Variants in CNTNAP3B observed in about 807,000 individuals in gnomAD.
CNTNAP3B encodes contactin-associated protein-like 3B.
CNTNAP3B carries 25 observed loss-of-function variants against 108.9 expected under a neutral mutation model. The ratio of observed to expected loss-of-function variants is 0.23; its 90% CI spans 0.17 to 0.32. The LOEUF (loss-of-function observed/expected upper bound fraction) is 0.32. Among genes scored for constraint, CNTNAP3B ranks in the 10% least tolerant of loss-of-function variants. The pLI is 1.00. For synonymous variants in CNTNAP3B, 103 were observed against 473.4 expected, an observed-to-expected ratio of 0.22 and a Z score of 10.16; for missense variants, 252 against 1,210.4, an observed-to-expected ratio of 0.21 and a Z score of 11.75.
At chr9:41,977,997 TA>T (rs1825554521) in intron 9 of CNTNAP3B, among the ~76,000 whole-genome samples, 1 of 126,886 alleles carries the variant, frequency 7.9e-6, no homozygotes, top group African/African-American at 3.2e-5. Flanking sequence ...AAAAAAACAG[TA>T]AAATGCAAAA....
intron 14 of CNTNAP3B, among the ~76,000 whole-genome samples, chr9:41,934,108 T>TAC (rs1824069353): frequency 7.8e-6 from 1 of 127,556 alleles, no homozygotes; most frequent in South Asian, 2.4e-4. Context: ...TACATATATA[T>TAC]ATATATATAT....
chr9:42,124,803 A>T (rs2118755426), intron 1 of CNTNAP3B, among the ~76,000 whole-genome samples: 1 of 132,420 alleles, frequency 7.6e-6, no homozygotes, highest in South Asian at 2.5e-4. Context: ...CATCTTTGTC[A>T]TTCAGAAATC....
intron 13 of CNTNAP3B, among the ~76,000 whole-genome samples, chr9:41,943,036 G>A (rs1231607790): frequency 6.6e-6 from 1 of 152,264 alleles, no homozygotes; most frequent in Non-Finnish European, 1.5e-5. Flanking sequence ...GACAGATTTG[G>A]AAATATCAGA....
intron 18 of CNTNAP3B, among the ~76,000 whole-genome samples, chr9:41,919,727 A>C (rs1473830452): frequency 1.3e-5 from 2 of 152,260 alleles, no homozygotes; most frequent in Non-Finnish European, 2.9e-5. Context: ...GTCTCTAAAA[A>C]TTAAAAACAA....
At chr9:41,943,729 A>T (rs560913011) in intron 13 of CNTNAP3B, among the ~76,000 whole-genome samples, 87 of 151,524 alleles carry the variant, frequency 5.7e-4, no homozygotes, top group African/African-American at 2.1e-3. Flanking sequence ...AGAGAGTGAG[A>T]ACCAGAAGAA....
intron 10 of CNTNAP3B, among the ~76,000 whole-genome samples, chr9:41,967,655 G>A (rs1399482247): frequency 6.6e-6 from 1 of 152,280 alleles, no homozygotes; most frequent in Non-Finnish European, 1.5e-5. Context: ...TTATGTAAAG[G>A]GAACAGCAAA....
At position 42,097,617 on chromosome 9, in the gene CNTNAP3B, G is replaced by T. The variant is rs1238519945; in HGVS notation, c.196+7012C>A. ...CAAAAACTAAAAATGCATTCACTGA[G>T]ATGCCTTATATCCTAATTAAATATT... On this transcript the variant is annotated intron_variant, in intron 2 of 23. Transcript: ENST00000377561. Among the ~76,000 whole-genome samples the T allele has an allele frequency of 1.4e-5, 2 of 139,216 alleles. 1 individual carries two copies. Among genetic ancestry groups the T allele is most frequent in the Non-Finnish European group, 3.1e-5 (2 of 64,986 alleles). 91.3% of individuals were successfully genotyped at this position (139,216 alleles called of 152,430 possible).
chr9:41,939,515 CG>C (rs1232123413), intron 13 of CNTNAP3B, among the ~76,000 whole-genome samples: 3 of 152,218 alleles, frequency 2.0e-5, no homozygotes, highest in Non-Finnish European at 4.4e-5. Context: ...AAAAAAACAA[CG>C]AAAAAAAGGC....
intron 13 of CNTNAP3B, among the ~76,000 whole-genome samples, chr9:41,947,243 C>T (rs1824554505): frequency 6.6e-6 from 1 of 151,742 alleles, no homozygotes; most frequent in Admixed American, 6.6e-5. Context: ...GAAAAATTTA[C>T]AAGACAGACC....
chr9:41,935,739 T>A (rs1396368836), intron 14 of CNTNAP3B, among the ~76,000 whole-genome samples: 1 of 152,264 alleles, frequency 6.6e-6, no homozygotes, highest in Non-Finnish European at 1.5e-5. Context: ...AAAATAAGGT[T>A]AAAAAGCAAA....
intron 14 of CNTNAP3B, among the ~76,000 whole-genome samples, chr9:41,934,781 T>C (rs1361399244): frequency 6.8e-6 from 1 of 147,710 alleles, no homozygotes; most frequent in African/African-American, 2.6e-5. Flanking sequence ...AAAAATCCAA[T>C]ATGATAAAAT....
intron 13 of CNTNAP3B, among the ~76,000 whole-genome samples, chr9:41,944,553 T>C (rs1824465822): frequency 6.6e-6 from 1 of 152,380 alleles, no homozygotes; most frequent in South Asian, 2.1e-4. Flanking sequence ...ATTAATATTC[T>C]AGGAGAAGTG....
chr9:41,977,786 A>ATTTTTTTTTTTTT (rs71288160), intron 9 of CNTNAP3B, among the ~76,000 whole-genome samples: 1 of 90,532 alleles, frequency 1.1e-5, no homozygotes, highest in African/African-American at 5.0e-5. Context: ...TGCCCAGCTA[A>ATTTTTTTTTTTTT]TTTTTTTTTT....
At chr9:42,095,934 G>A (rs1158834375) in intron 2 of CNTNAP3B, among the ~76,000 whole-genome samples, 3 of 138,842 alleles carry the variant, frequency 2.2e-5, no homozygotes, top group Non-Finnish European at 3.1e-5. Flanking sequence ...TGCCGACGGA[G>A]CCAAGTCCTC....
At chr9:41,983,201 A>T (rs182455096) in intron 9 of CNTNAP3B, 8,407 of 134,784 alleles carry the variant, frequency 0.062, 1,436 homozygotes, top group South Asian at 0.13. Context: ...AAATAAGTTT[A>T]AAAAAAAAAG....
At chr9:41,956,553 A>T (rs551867777) in intron 12 of CNTNAP3B, among the ~76,000 whole-genome samples, 332 of 151,820 alleles carry the variant, frequency 2.2e-3, no homozygotes, top group Non-Finnish European at 4.0e-3. Flanking sequence ...CATCTGGTAT[A>T]CCCATTCCTA....
intron 3 of CNTNAP3B, among the ~76,000 whole-genome samples, chr9:42,030,830 G>GAGAGAGAC (rs1826512025): frequency 8.0e-6 from 1 of 125,068 alleles, no homozygotes; most frequent in Non-Finnish European, 1.7e-5. Context: ...GAGAGAGAGA[G>GAGAGAGAC]AGAGAGAGAG....
rs1587271370 is a variant in CNTNAP3B at position 42,099,134 on chromosome 9, A to T, written c.196+5495T>A. Among the ~76,000 whole-genome samples the T allele has an allele frequency of 1.6e-5, 2 of 128,422 alleles. 1 individual carries two copies. Among genetic ancestry groups the T allele is most frequent in the African/African-American group, 6.2e-5 (2 of 32,086 alleles). The allele number at this position is 128,422 out of a possible 152,430, so 84.2% of individuals were successfully genotyped here. A position where few individuals can be genotyped will look rare whatever the true frequency, so the allele number is the denominator to read the frequency against. The stretch of plus-strand genomic sequence containing the variant: ...AACACAATGCTCATTCACTCAGAAA[A>T]TTGAGAAAAAAGTTCTAAGTGATAA... On this transcript the variant is annotated intron_variant, in intron 2 of 23. Coordinates refer to ENST00000377561, the MANE Select transcript of CNTNAP3B (RefSeq NM_001201380.3).
At chr9:41,913,958 A>G (rs1409311900) in intron 18 of CNTNAP3B, among the ~76,000 whole-genome samples, 2 of 47,284 alleles carry the variant, frequency 4.2e-5, no homozygotes, top group African/African-American at 2.3e-4. Flanking sequence ...GATTAGTGCT[A>G]CTATGAACAT....
Sources: gnomAD v4.1 joint callset for allele counts (sites outside exome capture counted in the v4.1 genomes callset) on GRCh38, gnomAD v4.1.1 for gene constraint, MANE v1.5 for transcripts, NCBI Gene and HGNC (gene_info 2026-07-23, HGNC 2026-07-21) for gene names.